The following HERC4 variants were observed in gnomAD, a reference collection of about 807,000 sequenced individuals.
HERC4 encodes the protein probable E3 ubiquitin-protein ligase HERC4.
A neutral mutation model predicts 124.3 loss-of-function variants in HERC4; 28 were observed. The ratio of observed to expected loss-of-function variants is 0.23; its 90% CI spans 0.17 to 0.31. The LOEUF is 0.31. Ranked by LOEUF, HERC4 falls within the 10% of genes least tolerant of loss-of-function variation. The pLI, the probability that HERC4 is intolerant of heterozygous loss-of-function variation, is 1.00. For missense variants in HERC4, 713 were observed against 1,229.3 expected (o/e 0.58, Z 6.28); for synonymous variants, 407 against 421.5 (o/e 0.97, Z 0.42).
intron 8 of HERC4, 35 bp from the exon 9 acceptor site, chr10:68,014,221 G>A: frequency 6.7e-7 from 1 of 1,486,626 alleles, no homozygotes; most frequent in Non-Finnish European, 9.0e-7. Context: ...CAGACTTAAT[G>A]TTACCTTCCA....
At chr10:67,999,173 T>C (rs1279820237) in intron 9 of HERC4, among the ~76,000 whole-genome samples, 1 of 152,258 alleles carries the variant, frequency 6.6e-6, no homozygotes, top group East Asian at 1.9e-4. Context: ...GATTTCGTTT[T>C]TGTCTATAAA....
intron 3 of HERC4, among the ~76,000 whole-genome samples, chr10:68,061,909 T>G (rs917928146): frequency 1.2e-5 from 1 of 84,372 alleles, no homozygotes; most frequent in African/African-American, 5.1e-5. Flanking sequence ...AAAAAAAAAA[T>G]CTGTATATAA....
In HERC4 at chr10:67,922,291, C is replaced by T. The variant is rs986368425; in HGVS notation, c.*640G>A. 1 of 152,146 alleles carries T rather than the reference C, an allele frequency of 6.6e-6. No homozygotes were observed. The highest frequency in any genetic ancestry group is 6.6e-5 in the Admixed American group (1 of 15,266). 9.4% of individuals were successfully genotyped at this position (152,146 alleles called of 1,614,324 possible). On this transcript the variant is annotated 3_prime_UTR_variant, in exon 25 of 25. Coordinates refer to ENST00000373700, the MANE Select transcript of HERC4 (RefSeq NM_015601.4). ...TCAGGATTCACAAAGAAAAGAACTG[C>T]AGGTTATGTAGTATATTCCCTATCT...
At chr10:67,949,050 G>A (rs2033600744) in intron 19 of HERC4, among the ~76,000 whole-genome samples, 1 of 152,000 alleles carries the variant, frequency 6.6e-6, no homozygotes, top group South Asian at 2.1e-4. Flanking sequence ...TCAGGAAATC[G>A]AGATCATCCT....
chr10:68,064,153 C>G (rs1027852062), intron 3 of HERC4, among the ~76,000 whole-genome samples: 2 of 151,928 alleles, frequency 1.3e-5, no homozygotes, highest in Admixed American at 6.6e-5. Flanking sequence ...TGAGGGGAAT[C>G]GCTTGAGCCC....
chr10:67,985,133 C>T (rs1365423094), intron 15 of HERC4, among the ~76,000 whole-genome samples: 2 of 152,184 alleles, frequency 1.3e-5, no homozygotes, highest in Non-Finnish European at 2.9e-5. Context: ...CTTAGTCCTT[C>T]ATAGTTACAT....
intron 21 of HERC4, among the ~76,000 whole-genome samples, chr10:67,939,341 C>A (rs2032670345): frequency 1.3e-5 from 2 of 152,148 alleles, no homozygotes; most frequent in African/African-American, 2.4e-5. Context: ...ACTGACTCCC[C>A]AAGGTAATGA....
In HERC4 at chr10:67,932,718, T is replaced by C. The variant is rs1045758985; in HGVS notation, c.2717A>G (p.Asp906Gly). 6.2e-7 allele frequency: 1 copy of C among 1,600,246 alleles called. No homozygotes were observed. Among genetic ancestry groups the C allele is most frequent in the East Asian group, 2.2e-5 (1 of 44,676 alleles). Residue 906 changes from aspartate (D) to glycine (G), a missense_variant, in exon 23 of 25, where the codon GAT (aspartate) becomes GGT (glycine). Coordinates refer to ENST00000373700, the MANE Select transcript of HERC4 (RefSeq NM_015601.4). ...IFNKSVASLFDAFHAGFHKVC... is the reference protein window; with the variant it reads ...IFNKSVASLFGAFHAGFHKVC... ...CTTATGAAAGCCCGCATGAAAAGCA[T>C]CAAATAAGGAAGCCACTGATTTATT...
intron 9 of HERC4, among the ~76,000 whole-genome samples, chr10:68,011,530 T>C (rs994016964): frequency 2.0e-5 from 3 of 152,264 alleles, no homozygotes; most frequent in African/African-American, 7.2e-5. Context: ...TATCTCCATC[T>C]GAGCTCTGAT....
rs199559705 is a variant in HERC4, at chr10:67,938,447, G to GAA, written c.2571+1139_2571+1140dup. On this transcript the variant is annotated intron_variant, in intron 21 of 24. Coordinates refer to ENST00000373700, the MANE Select transcript of HERC4 (RefSeq NM_015601.4). The stretch of plus-strand genomic sequence containing the variant: ...AGCAAGATTCTGTCTCAAAAAAAAA[G>GAA]AAAAAAAAAAAGAAAAGAAAAGGGA... Among the ~76,000 whole-genome samples, 26 of 125,424 alleles carry GAA rather than the reference G, an allele frequency of 2.1e-4. No homozygotes were observed. The South Asian group carries it at 6.0e-3, about 29-fold the overall frequency. The allele number at this position is 125,424 out of a possible 152,430, so 82.3% of individuals were successfully genotyped here.
intron 22 of HERC4, among the ~76,000 whole-genome samples, chr10:67,935,013 C>G (rs1376078939): frequency 6.7e-6 from 1 of 149,832 alleles, no homozygotes; most frequent in East Asian, 2.0e-4. Flanking sequence ...TGTCACGCAT[C>G]ATTCTGAGGA....
At chr10:67,945,679 A>G (rs1294484723) in intron 19 of HERC4, among the ~76,000 whole-genome samples, 1 of 152,176 alleles carries the variant, frequency 6.6e-6, no homozygotes. Flanking sequence ...GAAACAACAC[A>G]AAGTTAAAAA....
chr10:67,978,551 C>T (rs2035738143), intron 15 of HERC4, among the ~76,000 whole-genome samples: 2 of 152,186 alleles, frequency 1.3e-5, no homozygotes, highest in African/African-American at 4.8e-5. Flanking sequence ...ACTAGCTGCC[C>T]CGAAGGGAAG....
At chr10:67,959,026 A>T in intron 16 of HERC4, 1 of 1,157,114 alleles carries the variant, frequency 8.6e-7, no homozygotes. Flanking sequence ...AACCACACCA[A>T]AAAAACGAAT....
intron 15 of HERC4, among the ~76,000 whole-genome samples, chr10:67,982,645 T>A (rs2036000150): frequency 6.6e-6 from 1 of 152,074 alleles, no homozygotes; most frequent in Non-Finnish European, 1.5e-5. Flanking sequence ...TTAAAAAACT[T>A]CTACACAGCA....
intron 19 of HERC4, among the ~76,000 whole-genome samples, chr10:67,950,253 G>T (rs2033694321): frequency 6.6e-6 from 1 of 151,836 alleles, no homozygotes; most frequent in African/African-American, 2.4e-5. Context: ...AGTGCAGCCT[G>T]AAGACTCCAT....
chr10:68,012,308 G>T (rs1564545531), intron 9 of HERC4, among the ~76,000 whole-genome samples: 1 of 152,218 alleles, frequency 6.6e-6, no homozygotes, highest in Non-Finnish European at 1.5e-5. Context: ...ACTGGCACAA[G>T]AAGCCTTGCT....
chr10:68,051,559 C>A (rs1292594430), intron 3 of HERC4, among the ~76,000 whole-genome samples: 2 of 151,670 alleles, frequency 1.3e-5, no homozygotes, highest in East Asian at 3.9e-4. Flanking sequence ...CAGAGTTTCA[C>A]CATGTTAGCC....
Position 68,019,158 on chromosome 10 carries a change from G to A in HERC4, c.909-4972C>T, listed in dbSNP as rs548242605. Among the ~76,000 whole-genome samples, 4 of 151,754 alleles carry A rather than the reference G, an allele frequency of 2.6e-5. No individual in the cohort carries two copies. The South Asian group carries it at 6.3e-4, about 24-fold the overall frequency. On this transcript the variant is annotated intron_variant, in intron 8 of 24. Transcript: ENST00000373700. ...ATTACAGGCATGTGCCACCACGCCC[G>A]ACTAATTTTGTATTTTTAGTAGAGA...
Sources: allele counts gnomAD v4.1 joint callset (sites outside exome capture counted in the v4.1 genomes callset), GRCh38; gene constraint gnomAD v4.1.1; transcripts MANE v1.5; gene names NCBI Gene and HGNC (gene_info 2026-07-23, HGNC 2026-07-21).